Variants in HEPHL1 observed in about 807,000 individuals in gnomAD.
The protein encoded by HEPHL1 is hephaestin like 1, also known as ferroxidase HEPHL1.
A neutral mutation model predicts 122.0 loss-of-function variants in HEPHL1; 123 were observed. The ratio of observed to expected loss-of-function variants is 1.01; its 90% CI spans 0.87 to 1.17. The LOEUF (loss-of-function observed/expected upper bound fraction) is 1.17, where lower values mean the gene tolerates loss of function less well. Among genes scored for constraint, HEPHL1 ranks in the 50% most tolerant of loss-of-function variants. The pLI, the probability that HEPHL1 is intolerant of heterozygous loss-of-function variation, is 0.00. For missense variants in HEPHL1, 1,452 were observed against 1,430.5 expected (o/e 1.01, Z -0.24); for synonymous variants, 527 against 508.9 (o/e 1.04, Z -0.48).
chr11:94,078,837 T>C (rs1946147190), intron 9 of HEPHL1, among the ~76,000 whole-genome samples: 2 of 152,232 alleles, frequency 1.3e-5, no homozygotes, highest in South Asian at 2.1e-4. Flanking sequence ...ACTGATTCAA[T>C]TGTTAATCTC....
At chr11:94,031,621 T>C (rs749574845) in intron 1 of HEPHL1, among the ~76,000 whole-genome samples, 4 of 152,232 alleles carry the variant, frequency 2.6e-5, no homozygotes, top group Admixed American at 6.5e-5. Flanking sequence ...GATTGGAAGC[T>C]GAACCTAGTA....
intron 9 of HEPHL1, among the ~76,000 whole-genome samples, chr11:94,077,154 C>T (rs552926617): frequency 6.6e-6 from 1 of 152,130 alleles, no homozygotes; most frequent in South Asian, 2.1e-4. Flanking sequence ...TGTGTGTTTC[C>T]TAAAAACAAG....
At chr11:94,076,838 G>A (rs966226165) in intron 9 of HEPHL1, among the ~76,000 whole-genome samples, 1 of 152,130 alleles carries the variant, frequency 6.6e-6, no homozygotes, top group African/African-American at 2.4e-5. Flanking sequence ...AATTCTCCCA[G>A]TGGTGAATGG....
Position 94,113,005 on chromosome 11 carries a change from A to C in HEPHL1, c.*1111A>C, listed in dbSNP as rs1946464019. The C allele has an allele frequency of 6.6e-6, 1 of 152,218 alleles. No homozygotes were observed. The highest frequency in any genetic ancestry group is 6.5e-5 in the Admixed American group (1 of 15,284). The allele number at this position is 152,218 out of a possible 1,614,324, so 9.4% of individuals were successfully genotyped here. The stretch of plus-strand genomic sequence containing the variant: ...TCTTCATGGAAGGAGAAAAAAGGAA[A>C]AGGAAAGGTGAGAAAAAGATAATCT... On this transcript the variant is annotated 3_prime_UTR_variant, in exon 20 of 20. Transcript: ENST00000315765.
Position 94,106,086 on chromosome 11 carries a change from G to A in HEPHL1, c.3001G>A (p.Asp1001Asn). 1 of 1,596,744 alleles carries A rather than the reference G, an allele frequency of 6.3e-7. No individual in the cohort carries two copies. Among genetic ancestry groups the A allele is most frequent in the Non-Finnish European group, 8.6e-7 (1 of 1,168,334 alleles). Residue 1001 changes from aspartate (D) to asparagine (N), a missense_variant, in exon 17 of 20, where the codon GAC becomes AAC. Transcript: ENST00000315765. The part of the protein sequence containing the change: ...WYLLGIGSEV[D>N]IHTIHYHAES... Reference sequence around the variant, plus strand: ...TTTGTTAGGGATAGGAAGTGAAGTGGACATACATACCATCCATTATCATGC... The same window carrying A: ...TTTGTTAGGGATAGGAAGTGAAGTGAACATACATACCATCCATTATCATGC...
chr11:94,046,057 A>G, intron 2 of HEPHL1, 140 bp downstream of exon 2: 1 of 400,846 alleles, frequency 2.5e-6, no homozygotes. Context: ...ATCCATCTCC[A>G]TCTATCTATT....
At chr11:94,068,447 G>A (rs557874331) in intron 5 of HEPHL1, among the ~76,000 whole-genome samples, 1 of 152,118 alleles carries the variant, frequency 6.6e-6, no homozygotes, top group Admixed American at 6.5e-5. Flanking sequence ...CCTATGATAG[G>A]TGCATGATAA....
At chr11:94,047,871 A>G (rs1027880594) in intron 2 of HEPHL1, among the ~76,000 whole-genome samples, 3 of 152,210 alleles carry the variant, frequency 2.0e-5, no homozygotes, top group Admixed American at 2.0e-4. Flanking sequence ...GTGGTAAAAC[A>G]TATGAACATA....
At chr11:94,021,680 A>G (rs760383289) in intron 1 of HEPHL1, 142 bp downstream of exon 1, 1 of 662,020 alleles carries the variant, frequency 1.5e-6, no homozygotes, top group Non-Finnish European at 2.6e-6. Flanking sequence ...TTGCTTGAAG[A>G]GCCCTAGTAT....
rs1406721981 is a variant in HEPHL1, at chr11:94,064,508, A to G, written c.806A>G (p.His269Arg). Residue 269 changes from histidine (H) to arginine (R), a missense_variant and splice_region_variant, in exon 4 of 20, where the codon CAT becomes CGT. By Grantham distance (29) the His-to-Arg change is conservative. Transcript: ENST00000315765. ...DAVFQRSNKM[H>R]ALNGYLFGNF... ...GTTTTCCAGAGGAGTAACAAAATGCATGGTGAGTACCTCCCATGTTCCCAA... is the reference window on the plus strand; with the variant it reads ...GTTTTCCAGAGGAGTAACAAAATGCGTGGTGAGTACCTCCCATGTTCCCAA... 1.2e-6 allele frequency: 2 copies of G among 1,609,058 alleles called. No homozygotes were observed. Among genetic ancestry groups the G allele is most frequent in the East Asian group, 2.2e-5 (1 of 44,828 alleles).
rs140188987 is a variant in HEPHL1 at position 94,032,634 on chromosome 11, G to A, written c.170+11096G>A. ...TAGGTAGCTAGTCAGGCATGAGCAG[G>A]GCAGGAGAGGGGTCCGCCTGACCAG... On this transcript the variant is annotated intron_variant, in intron 1 of 19. Coordinates refer to ENST00000315765, the MANE Select transcript of HEPHL1 (RefSeq NM_001098672.2). Among the ~76,000 whole-genome samples, 370 of 152,260 alleles carry A rather than the reference G, an allele frequency of 2.4e-3. 1 individual carries two copies. The highest frequency in any genetic ancestry group is 8.3e-3 in the African/African-American group (346 of 41,548).
At chr11:94,090,433 A>G (rs192017422) in intron 12 of HEPHL1, among the ~76,000 whole-genome samples, 14 of 152,298 alleles carry the variant, frequency 9.2e-5, no homozygotes, top group Non-Finnish European at 1.9e-4. Flanking sequence ...TTAAGTCTCC[A>G]TCCCACGGGG....
At chr11:94,056,246 T>A (rs888246406) in intron 2 of HEPHL1, among the ~76,000 whole-genome samples, 1 of 152,218 alleles carries the variant, frequency 6.6e-6, no homozygotes, top group African/African-American at 2.4e-5. Flanking sequence ...TGTCTTTCAA[T>A]GTAAGACACA....
At chr11:94,089,641 A>G (rs1318798619) in intron 12 of HEPHL1, among the ~76,000 whole-genome samples, 1 of 152,158 alleles carries the variant, frequency 6.6e-6, no homozygotes, top group Non-Finnish European at 1.5e-5. Flanking sequence ...CAAGATCCCT[A>G]GGGTGCACTG....
intron 2 of HEPHL1, among the ~76,000 whole-genome samples, chr11:94,052,687 AGT>A (rs1945900685): frequency 1.3e-5 from 2 of 151,942 alleles, no homozygotes; most frequent in African/African-American, 4.8e-5. Flanking sequence ...TCACTAAGTA[AGT>A]ACTGGATTTT....
chr11:94,107,519 T>C (rs1946418311), intron 17 of HEPHL1, among the ~76,000 whole-genome samples: 1 of 152,226 alleles, frequency 6.6e-6, no homozygotes, highest in African/African-American at 2.4e-5. Context: ...AGAATACTTT[T>C]ATTTCCCCCA....
chr11:94,037,087 C>T (rs968938533), intron 1 of HEPHL1, among the ~76,000 whole-genome samples: 51 of 151,662 alleles, frequency 3.4e-4, no homozygotes, highest in African/African-American at 4.4e-4. Flanking sequence ...GTTCCCTTTC[C>T]GAGTCAAAGA....
chr11:94,056,648 T>G (rs1454206795), intron 2 of HEPHL1, among the ~76,000 whole-genome samples: 4 of 8,924 alleles, frequency 4.5e-4, no homozygotes, highest in South Asian at 0.2. Context: ...TCCTTTGTGC[T>G]ATTATTGATT....
intron 2 of HEPHL1, among the ~76,000 whole-genome samples, chr11:94,047,249 C>T (rs920382986): frequency 1.3e-5 from 2 of 152,036 alleles, no homozygotes; most frequent in Non-Finnish European, 2.9e-5. Context: ...AGTGCAGGTT[C>T]GTTACATAGG....
Sources: gnomAD v4.1 joint callset for allele counts (sites outside exome capture counted in the v4.1 genomes callset) on GRCh38, gnomAD v4.1.1 for gene constraint, MANE v1.5 for transcripts, NCBI Gene and HGNC (gene_info 2026-07-23, HGNC 2026-07-21) for gene names.